Variants in ABCB5 observed in about 807,000 individuals in gnomAD.
ABCB5 encodes the protein ATP binding cassette subfamily B member 5, also known as ATP-binding cassette sub-family B member 5.
Under a neutral mutation model 144.2 loss-of-function variants are expected in ABCB5, and 155 were observed. The observed-to-expected ratio is 1.08, with a 90% CI of 0.94 to 1.23. The LOEUF is 1.23. Ranked by LOEUF, ABCB5 falls within the 50% of genes most tolerant of loss-of-function variation. The probability of loss-of-function intolerance (pLI) is 0.00; values close to 1 mark genes in which losing one functional copy is unlikely to be tolerated. For synonymous variants in ABCB5, 610 were observed against 528.6 expected, an observed-to-expected ratio of 1.15 and a Z score of -2.11; for missense variants, 1,830 against 1,520.8, an observed-to-expected ratio of 1.20 and a Z score of -3.38.
At chr7:20,710,243 T>C (rs1470682930) in intron 20 of ABCB5, among the ~76,000 whole-genome samples, 1 of 145,902 alleles carries the variant, frequency 6.9e-6, no homozygotes, top group African/African-American at 2.6e-5. Flanking sequence ...GGGGGGCATC[T>C]ATAATCCCAG....
chr7:20,713,089 T>C (rs2128046821), intron 20 of ABCB5, among the ~76,000 whole-genome samples: 2 of 149,964 alleles, frequency 1.3e-5, no homozygotes, highest in East Asian at 4.0e-4. Flanking sequence ...GATTTTACTC[T>C]CTGTCTCTAT....
At chr7:20,625,837 T>C (rs1003401794) in intron 2 of ABCB5, among the ~76,000 whole-genome samples, 1 of 152,204 alleles carries the variant, frequency 6.6e-6, no homozygotes, top group Non-Finnish European at 1.5e-5. Flanking sequence ...GTTGAAGAGA[T>C]ATTTGTACAC....
chr7:20,723,407 T>C (rs925962175), intron 21 of ABCB5, among the ~76,000 whole-genome samples, 188 bp downstream of exon 21: 2 of 152,216 alleles, frequency 1.3e-5, no homozygotes, highest in African/African-American at 4.8e-5. Flanking sequence ...AAGGTAGATA[T>C]GTTATAGCAA....
chr7:20,755,492 C>T lies in ABCB5; in HGVS notation c.3642C>T (p.Leu1214=), dbSNP rs1480167019. The part of the protein sequence containing the change: ...GRTCLVVTHR[L]SAIQNADLIV... ...CATGCCTAGTGGTCACTCACAGGCTCTCTGCAATTCAGAACGCAGATTTGA... is the reference window on the plus strand; with the variant it reads ...CATGCCTAGTGGTCACTCACAGGCTTTCTGCAATTCAGAACGCAGATTTGA... The change falls in exon 28 of 28, where the codon CTC becomes CTT. Residue 1214 remains leucine (L), a synonymous_variant. Transcript: ENST00000404938. 2 of 1,614,052 alleles carry T rather than the reference C, an allele frequency of 1.2e-6. No homozygotes were observed. Among genetic ancestry groups the T allele is most frequent in the Middle Eastern group, 1.6e-4 (1 of 6,082 alleles).
intron 14 of ABCB5, among the ~76,000 whole-genome samples, chr7:20,665,770 T>TAG (rs1466333096): frequency 1.4e-3 from 177 of 124,460 alleles, no homozygotes; most frequent in African/African-American, 2.3e-3. Context: ...TAGATAGAGA[T>TAG]ACATACATAC....
intron 24 of ABCB5, among the ~76,000 whole-genome samples, chr7:20,742,283 A>G (rs563405248): frequency 3.3e-5 from 5 of 152,274 alleles, no homozygotes; most frequent in South Asian, 4.1e-4. Flanking sequence ...CTGAGGTGGG[A>G]GGATGGCTTG....
chr7:20,747,445 A>C (rs919127556), intron 26 of ABCB5, among the ~76,000 whole-genome samples: 3 of 152,098 alleles, frequency 2.0e-5, no homozygotes, highest in African/African-American at 7.2e-5. Flanking sequence ...TTTTGTAGAG[A>C]TGGGGTTTCA....
rs1286827783 is a variant in ABCB5, at chr7:20,681,117, TTTC to T, written c.1708-385_1708-383del. On this transcript the variant is annotated intron_variant, in intron 14 of 27. Transcript: ENST00000404938. ...CTTTCTTTCTTTCTTTCTTTCTTTCTTTCTTTCTTTTTCTTTCTGTCTTCTTTT... is the reference window on the plus strand; with the variant it reads ...CTTTCTTTCTTTCTTTCTTTCTTTCTTTTCTTTTTCTTTCTGTCTTCTTTT... Among the ~76,000 whole-genome samples the T allele has an allele frequency of 6.6e-4, 91 of 137,450 alleles. 6 individuals are homozygous for T. The highest frequency in any genetic ancestry group is 2.6e-3 in the African/African-American group (91 of 34,808). The allele number at this position is 137,450 out of a possible 152,430, so 90.2% of individuals were successfully genotyped here. A position where few individuals can be genotyped will look rare whatever the true frequency, so the allele number is the denominator to read the frequency against.
intron 1 of ABCB5, among the ~76,000 whole-genome samples, chr7:20,620,686 A>G (rs944894075): frequency 6.6e-6 from 1 of 152,142 alleles, no homozygotes; most frequent in African/African-American, 2.4e-5. Context: ...CGCAACCACA[A>G]TGAGATACCA....
chr7:20,660,513 T>C, intron 14 of ABCB5: 1 of 702,246 alleles, frequency 1.4e-6, no homozygotes, highest in Non-Finnish European at 1.7e-6. Context: ...GAAAATGGCT[T>C]ATGGAGAAGG....
chr7:20,644,969 A>C (rs1296045605), intron 7 of ABCB5, among the ~76,000 whole-genome samples: 2 of 152,246 alleles, frequency 1.3e-5, no homozygotes, highest in Non-Finnish European at 2.9e-5. Flanking sequence ...GCAGTAAGTT[A>C]GTAAGATCAG....
intron 4 of ABCB5, among the ~76,000 whole-genome samples, chr7:20,629,541 C>T (rs1020670535): frequency 2.0e-5 from 3 of 152,024 alleles, no homozygotes; most frequent in African/African-American, 7.2e-5. Context: ...ACCAGTGGAT[C>T]ACCTGAGGTC....
At chr7:20,617,703 T>A (rs1018370568) in intron 1 of ABCB5, among the ~76,000 whole-genome samples, 2 of 152,150 alleles carry the variant, frequency 1.3e-5, no homozygotes, top group Non-Finnish European at 2.9e-5. Flanking sequence ...ATAATCTAAC[T>A]GTATGCTGTC....
chr7:20,705,325 A>T (rs1049427195), intron 20 of ABCB5, among the ~76,000 whole-genome samples: 1 of 152,242 alleles, frequency 6.6e-6, no homozygotes, highest in Non-Finnish European at 1.5e-5. Flanking sequence ...ATTTGTATAT[A>T]TTCATAATTA....
At chr7:20,709,607 A>G (rs1786943458) in intron 20 of ABCB5, among the ~76,000 whole-genome samples, 1 of 150,070 alleles carries the variant, frequency 6.7e-6, no homozygotes, top group Non-Finnish European at 1.5e-5. Context: ...AAACTAGGAT[A>G]AAGTGTAACA....
intron 2 of ABCB5, among the ~76,000 whole-genome samples, chr7:20,625,351 T>C (rs1783886136): frequency 6.6e-6 from 1 of 152,186 alleles, no homozygotes; most frequent in African/African-American, 2.4e-5. Context: ...TTCCCTACAG[T>C]CTTCTCTTAA....
At position 20,738,975 on chromosome 7, in the gene ABCB5, T is replaced by A. The variant is rs758258622; in HGVS notation, c.2868-8T>A. 1.3e-5 allele frequency: 21 copies of A among 1,583,424 alleles called. No individual in the cohort carries two copies. Among genetic ancestry groups the A allele is most frequent in the Non-Finnish European group, 1.7e-5 (20 of 1,166,016 alleles). Reference sequence around the variant, plus strand: ...GACCTAAGATTCAAATGCTTTATCTTTTGATAGAGTTTTTACTGCAATTGC... The same window carrying A: ...GACCTAAGATTCAAATGCTTTATCTATTGATAGAGTTTTTACTGCAATTGC... On this transcript the variant is annotated splice_polypyrimidine_tract_variant and splice_region_variant and intron_variant, in intron 23 of 27. Coordinates refer to ENST00000404938, the MANE Select transcript of ABCB5 (RefSeq NM_001163941.2).
chr7:20,628,568 T>C (rs1310847003), intron 3 of ABCB5, 120 bp from the exon 4 acceptor site: 8 of 934,878 alleles, frequency 8.6e-6, no homozygotes, highest in Non-Finnish European at 1.1e-5. Flanking sequence ...TTTACCATCT[T>C]AATGTATAAA....
At chr7:20,753,650 C>A in intron 27 of ABCB5, 144 bp downstream of exon 27, 1 of 934,678 alleles carries the variant, frequency 1.1e-6, no homozygotes, top group Non-Finnish European at 1.5e-6. Context: ...AGGCTTTGGA[C>A]CTTTACAAAA....
Sources: allele counts gnomAD v4.1 joint callset (sites outside exome capture counted in the v4.1 genomes callset), GRCh38; gene constraint gnomAD v4.1.1; transcripts MANE v1.5; gene names NCBI Gene and HGNC (gene_info 2026-07-23, HGNC 2026-07-21).